Variants in NOVA1 observed in about 807,000 individuals in gnomAD.
The protein encoded by NOVA1 is NOVA alternative splicing regulator 1.
A neutral mutation model predicts 38.0 loss-of-function variants in NOVA1; 7 were observed. The ratio of observed to expected loss-of-function variants is 0.18; its 90% CI spans 0.10 to 0.35. The LOEUF (loss-of-function observed/expected upper bound fraction) is 0.35, where lower values mean the gene tolerates loss of function less well. NOVA1 is among the 10% of genes least tolerant of loss of function. The pLI, the probability that NOVA1 is intolerant of heterozygous loss-of-function variation, is 1.00. For missense variants in NOVA1, 460 were observed against 616.0 expected (o/e 0.75, Z 2.68); for synonymous variants, 270 against 232.5 (o/e 1.16, Z -1.47).
chr14:26,559,888 A>G (rs1891716175), intron 2 of NOVA1, among the ~76,000 whole-genome samples: 1 of 146,580 alleles, frequency 6.8e-6, no homozygotes, highest in Admixed American at 6.8e-5. Context: ...AGCATAAAGA[A>G]AGATAAATAT....
At chr14:26,491,174 TA>T (rs970210923) in intron 2 of NOVA1, among the ~76,000 whole-genome samples, 17 of 151,994 alleles carry the variant, frequency 1.1e-4, no homozygotes, top group East Asian at 3.9e-4. Flanking sequence ...TTTTTTTAAT[TA>T]AAAAAATTTT....
intron 2 of NOVA1, among the ~76,000 whole-genome samples, chr14:26,508,491 A>C (rs1001356537): frequency 6.6e-6 from 1 of 151,904 alleles, no homozygotes; most frequent in South Asian, 2.1e-4. Context: ...GGAATAGAAC[A>C]ACCCTATATC....
rs869087238 is a variant in NOVA1, at chr14:26,484,428, GAAAAAAAAAAAAAA to G, written c.281-4299_281-4286del. Among the ~76,000 whole-genome samples the G allele has an allele frequency of 1.8e-4, 10 of 56,460 alleles. No homozygotes were observed. In the Admixed American group the frequency reaches 2.1e-3, roughly 12 times the overall value. 37.0% of individuals were successfully genotyped at this position (56,460 alleles called of 152,430 possible). ...TCCAGCCTGGGCGAGACTCCGTCTC[GAAAAAAAAAAAAAA>G]AAAAAAAAAAAAAAAAAAAAGAAAT... is the stretch of plus-strand genomic sequence containing the variant. On this transcript the variant is annotated intron_variant, in intron 2 of 4. Coordinates refer to ENST00000539517, the MANE Select transcript of NOVA1 (RefSeq NM_002515.3).
chr14:26,481,583 A>T (rs2138302214), intron 2 of NOVA1, among the ~76,000 whole-genome samples: 1 of 152,240 alleles, frequency 6.6e-6, no homozygotes, highest in South Asian at 2.1e-4. Context: ...GATCTATAAA[A>T]ATCTAAGTTT....
At chr14:26,520,927 T>G (rs753627987) in intron 2 of NOVA1, among the ~76,000 whole-genome samples, 2 of 152,144 alleles carry the variant, frequency 1.3e-5, no homozygotes, top group Non-Finnish European at 2.9e-5. Flanking sequence ...CGCCATAATG[T>G]ACAACTCTTA....
intron 2 of NOVA1, among the ~76,000 whole-genome samples, chr14:26,590,777 A>C (rs1317120768): frequency 6.6e-6 from 1 of 151,830 alleles, no homozygotes; most frequent in Non-Finnish European, 1.5e-5. Flanking sequence ...TTGCAAGGCA[A>C]TGTTGTAGAT....
At chr14:26,465,906 C>A (rs77481399) in intron 4 of NOVA1, among the ~76,000 whole-genome samples, 3,653 of 151,908 alleles carry the variant, frequency 0.024, 148 homozygotes, top group African/African-American at 0.084. Context: ...TGATAATAAG[C>A]CAAGTATACA....
At chr14:26,474,904 CT>C (rs202053552) in intron 3 of NOVA1, among the ~76,000 whole-genome samples, 1,888 of 152,008 alleles carry the variant, frequency 0.012, 24 homozygotes, top group Non-Finnish European at 0.015. Flanking sequence ...AAAAAGACCC[CT>C]GCTTTATAAA....
chr14:26,488,188 G>A (rs963528689), intron 2 of NOVA1, among the ~76,000 whole-genome samples: 2 of 152,252 alleles, frequency 1.3e-5, no homozygotes, highest in East Asian at 3.9e-4. Flanking sequence ...CATATAACAT[G>A]CTTAATCCAA....
chr14:26,524,253 TTGTGGA>T lies in NOVA1; in HGVS notation c.281-44116_281-44111del, dbSNP rs532689689. Among the ~76,000 whole-genome samples the T allele has an allele frequency of 2.9e-4, 44 of 152,256 alleles. No individual in the cohort carries two copies. In the South Asian group the frequency reaches 6.0e-3, roughly 21 times the overall value. ...TAGAACAGGATGGAAGCCAACCTGT[TTGTGGA>T]TCTGGTGCCTGCGGGATCAAATATC... On this transcript the variant is annotated intron_variant, in intron 2 of 4. Coordinates refer to ENST00000539517, the MANE Select transcript of NOVA1 (RefSeq NM_002515.3).
At chr14:26,585,944 T>C (rs891562071) in intron 2 of NOVA1, among the ~76,000 whole-genome samples, 8 of 151,428 alleles carry the variant, frequency 5.3e-5, no homozygotes, top group African/African-American at 1.9e-4. Context: ...GCCTTCTATA[T>C]CCACTGTATT....
chr14:26,503,257 T>C (rs1209871349), intron 2 of NOVA1, among the ~76,000 whole-genome samples: 1 of 151,486 alleles, frequency 6.6e-6, no homozygotes, highest in African/African-American at 2.4e-5. Flanking sequence ...CAAAAGAAAA[T>C]GAGCTAGGTA....
chr14:26,502,150 T>TC (rs1398855732), intron 2 of NOVA1, among the ~76,000 whole-genome samples: 5 of 151,904 alleles, frequency 3.3e-5, no homozygotes, highest in South Asian at 4.1e-4. Context: ...TTCTTTTTTT[T>TC]CTCAGCTCTC....
chr14:26,576,812 G>GATT (rs1247433442), intron 2 of NOVA1, among the ~76,000 whole-genome samples: 1 of 151,824 alleles, frequency 6.6e-6, no homozygotes, highest in African/African-American at 2.4e-5. Context: ...ATAGTGAAAT[G>GATT]ATTACTACAG....
chr14:26,498,308 C>T (rs1389983230), intron 2 of NOVA1, among the ~76,000 whole-genome samples: 3 of 151,808 alleles, frequency 2.0e-5, no homozygotes, highest in East Asian at 1.9e-4. Context: ...CCTCGTGATC[C>T]GCCCGCCTCG....
At chr14:26,564,194 C>T (rs951980553) in intron 2 of NOVA1, among the ~76,000 whole-genome samples, 4 of 152,060 alleles carry the variant, frequency 2.6e-5, no homozygotes, top group African/African-American at 2.4e-5. Context: ...TAGGGCCTGA[C>T]GTACATAACT....
chr14:26,597,102 A>C (rs1894240660), intron 1 of NOVA1, 199 bp downstream of exon 1: 1 of 1,218,680 alleles, frequency 8.2e-7, no homozygotes, highest in Admixed American at 4.3e-5. Flanking sequence ...AGAAATGGAA[A>C]TGTGTCGGGG....
intron 2 of NOVA1, among the ~76,000 whole-genome samples, chr14:26,490,085 A>G (rs943729565): frequency 6.6e-6 from 1 of 152,158 alleles, no homozygotes; most frequent in African/African-American, 2.4e-5. Flanking sequence ...AATTCTAGAT[A>G]TTTCGTATAA....
intron 2 of NOVA1, among the ~76,000 whole-genome samples, chr14:26,515,223 T>C (rs564503914): frequency 6.6e-6 from 1 of 151,998 alleles, no homozygotes; most frequent in East Asian, 1.9e-4. Flanking sequence ...AGGGCCTCTG[T>C]TTAGGGTTCC....
Sources: allele counts gnomAD v4.1 joint callset (sites outside exome capture counted in the v4.1 genomes callset), GRCh38; gene constraint gnomAD v4.1.1; transcripts MANE v1.5; gene names NCBI Gene and HGNC (gene_info 2026-07-23, HGNC 2026-07-21).